MAF: variants seen among roughly 807,000 people sequenced by gnomAD.
MAF encodes the protein MAF bZIP transcription factor, also known as transcription factor Maf.
MAF carries 10 observed loss-of-function variants against 22.0 expected under a neutral mutation model. The ratio of observed to expected loss-of-function variants is 0.45; its 90% CI spans 0.28 to 0.77. The LOEUF (loss-of-function observed/expected upper bound fraction) is 0.77, where lower values mean the gene tolerates loss of function less well. MAF is among the 30% of genes least tolerant of loss of function. The probability of loss-of-function intolerance (pLI) is 0.12; values close to 1 mark genes in which losing one functional copy is unlikely to be tolerated. For synonymous variants in MAF, 337 were observed against 255.8 expected, an observed-to-expected ratio of 1.32 and a Z score of -3.03; for missense variants, 544 against 548.4, an observed-to-expected ratio of 0.99 and a Z score of 0.08.
the MAF span, among the ~76,000 whole-genome samples, chr16:79,388,239 G>A: frequency 4.3e-4 from 63 of 146,654 alleles, no homozygotes; most frequent in African/African-American, 1.5e-3. Flanking sequence ...TATGTGTGCC[G>A]ATGTGGCCCG....
chr16:79,521,688 C>T, the MAF span, among the ~76,000 whole-genome samples: 1 of 152,204 alleles, frequency 6.6e-6, no homozygotes, highest in African/African-American at 2.4e-5. Flanking sequence ...GAACCTCCCA[C>T]TTGCTTTTGT....
At chr16:79,574,388 A>G in the MAF span, among the ~76,000 whole-genome samples, 3 of 152,230 alleles carry the variant, frequency 2.0e-5, no homozygotes, top group Non-Finnish European at 2.9e-5. Flanking sequence ...TAATTTGGGA[A>G]TACCTCCATC....
At chr16:79,388,751 T>C in the MAF span, among the ~76,000 whole-genome samples, 19 of 152,230 alleles carry the variant, frequency 1.2e-4, no homozygotes, top group Non-Finnish European at 2.1e-4. Context: ...GATGGAGGAA[T>C]ACATTGTGTG....
At chr16:79,594,608 C>A (rs926753126) in intron 1 of MAF, 55 bp from the exon 2 acceptor site, 2 of 1,545,114 alleles carry the variant, frequency 1.3e-6, no homozygotes, top group African/African-American at 1.4e-5. Context: ...TCAAACGCAG[C>A]GTAAAGGGGA....
the MAF span, among the ~76,000 whole-genome samples, chr16:79,396,360 A>G: frequency 6.6e-6 from 1 of 152,344 alleles, no homozygotes; most frequent in Non-Finnish European, 1.5e-5. Context: ...AGAAGAAAAA[A>G]GGGGATGCTC....
At chr16:79,459,922 A>G in the MAF span, among the ~76,000 whole-genome samples, 8 of 152,262 alleles carry the variant, frequency 5.3e-5, no homozygotes, top group Admixed American at 5.2e-4. Flanking sequence ...ATCTGTGAGC[A>G]CTTGGATGGA....
chr16:79,597,820 A>G (rs1013743760), intron 1 of MAF: 2 of 1,020,898 alleles, frequency 2.0e-6, no homozygotes, highest in Non-Finnish European at 2.4e-6. Flanking sequence ...TTATTAATAT[A>G]ATGTCTCTTT....
chr16:79,455,541 A>G, the MAF span, among the ~76,000 whole-genome samples: 1 of 152,212 alleles, frequency 6.6e-6, no homozygotes, highest in African/African-American at 2.4e-5. Flanking sequence ...TCCAGCCAAC[A>G]TACCTCAAGA....
chr16:79,324,424 T>A, the MAF span, among the ~76,000 whole-genome samples: 1 of 152,278 alleles, frequency 6.6e-6, no homozygotes, highest in East Asian at 1.9e-4. Context: ...TATATTCGGA[T>A]TCTGCAGGGC....
the MAF span, among the ~76,000 whole-genome samples, chr16:79,243,964 A>C: frequency 6.6e-6 from 1 of 152,124 alleles, no homozygotes; most frequent in Admixed American, 6.6e-5. Context: ...AATGAAAAAA[A>C]CCACGTGTTT....
At chr16:79,324,100 G>C in the MAF span, among the ~76,000 whole-genome samples, 1,068 of 152,278 alleles carry the variant, frequency 7.0e-3, 4 homozygotes, top group Non-Finnish European at 0.011. Context: ...CTTATGTTAT[G>C]TGAATTTTGC....
the MAF span, among the ~76,000 whole-genome samples, chr16:79,320,483 G>A: frequency 2.0e-5 from 3 of 152,180 alleles, no homozygotes; most frequent in Non-Finnish European, 4.4e-5. Flanking sequence ...CCATCTGTGG[G>A]CTCTGAGGGC....
the MAF span, chr16:79,212,627 C>G: frequency 6.4e-5 from 10 of 155,370 alleles, no homozygotes; most frequent in African/African-American, 2.4e-4. Context: ...CCTGCTGTGC[C>G]TCGCATCCTA....
chr16:79,465,452 G>T, the MAF span, among the ~76,000 whole-genome samples: 1 of 152,056 alleles, frequency 6.6e-6, no homozygotes, highest in Non-Finnish European at 1.5e-5. Context: ...AATTAATTGG[G>T]TGTGGTGATG....
the MAF span, among the ~76,000 whole-genome samples, chr16:79,282,116 G>T: frequency 6.6e-6 from 1 of 152,032 alleles, no homozygotes; most frequent in African/African-American, 2.4e-5. Flanking sequence ...GCCTGGACAA[G>T]ATGGTGAAAC....
the MAF span, among the ~76,000 whole-genome samples, chr16:79,565,555 T>A: frequency 1.4e-4 from 21 of 152,024 alleles, 1 homozygote; most frequent in Non-Finnish European, 4.4e-5. Context: ...GGTGGTTACC[T>A]CCATGCTGTT....
the MAF span, among the ~76,000 whole-genome samples, chr16:79,302,221 G>C: frequency 6.6e-6 from 1 of 152,206 alleles, no homozygotes; most frequent in East Asian, 1.9e-4. Flanking sequence ...TTCTCGAAGA[G>C]CCTCAGAATC....
chr16:79,442,668 T>G, the MAF span, among the ~76,000 whole-genome samples: 1 of 152,202 alleles, frequency 6.6e-6, no homozygotes, highest in Non-Finnish European at 1.5e-5. Flanking sequence ...TGCCTTGGCC[T>G]CCCAAAAGAT....
the MAF span, among the ~76,000 whole-genome samples, chr16:79,254,922 A>G: frequency 6.6e-6 from 1 of 152,190 alleles, no homozygotes; most frequent in Non-Finnish European, 1.5e-5. Context: ...TCTTTGTTTT[A>G]AGAAAAATTC....
Sources: gnomAD v4.1 joint callset for allele counts (sites outside exome capture counted in the v4.1 genomes callset) on GRCh38, gnomAD v4.1.1 for gene constraint, MANE v1.5 for transcripts, NCBI Gene and HGNC (gene_info 2026-07-23, HGNC 2026-07-21) for gene names.